Variants in OR1J2 observed in about 807,000 individuals in gnomAD.
OR1J2 encodes olfactory receptor family 1 subfamily J member 2.
For synonymous variants in OR1J2, 142 were observed against 99.7 expected, an observed-to-expected ratio of 1.42 and a Z score of -2.52; for missense variants, 304 against 246.1, an observed-to-expected ratio of 1.24 and a Z score of -1.57.
chr9:122,507,751 C>A (rs188758946), upstream of OR1J2, among the ~76,000 whole-genome samples: 1 of 152,246 alleles, frequency 6.6e-6, no homozygotes, highest in African/African-American at 2.4e-5. Context: ...GAATAATTTT[C>A]TCCTGCGTGT....
the OR1J2 span, among the ~76,000 whole-genome samples, chr9:122,518,901 A>G: frequency 2.0e-5 from 3 of 152,220 alleles, no homozygotes; most frequent in Non-Finnish European, 2.9e-5. Flanking sequence ...TTTACTGACT[A>G]GACATGGCTG....
chr9:122,476,614 C>G, the OR1J2 span, among the ~76,000 whole-genome samples: 4 of 152,050 alleles, frequency 2.6e-5, no homozygotes, highest in Non-Finnish European at 1.5e-5. Flanking sequence ...ATTTGTATTT[C>G]TGTATTATTG....
At chr9:122,551,331 T>G in the OR1J2 span, among the ~76,000 whole-genome samples, 5 of 152,184 alleles carry the variant, frequency 3.3e-5, no homozygotes, top group Admixed American at 1.3e-4. Context: ...ACAGTAGATA[T>G]AAGTAGCTTT....
upstream of OR1J2, among the ~76,000 whole-genome samples, chr9:122,508,252 T>C (rs1828567683): frequency 6.6e-6 from 1 of 151,986 alleles, no homozygotes; most frequent in African/African-American, 2.4e-5. Flanking sequence ...AGGAAGATGC[T>C]TGAGCCTAGC....
chr9:122,508,715 A>G (rs1828575106), upstream of OR1J2, among the ~76,000 whole-genome samples: 1 of 152,218 alleles, frequency 6.6e-6, no homozygotes, highest in African/African-American at 2.4e-5. Context: ...GATAACCAGA[A>G]TATTTGGATA....
chr9:122,576,335 G>T, the OR1J2 span, among the ~76,000 whole-genome samples: 105 of 151,464 alleles, frequency 6.9e-4, no homozygotes, highest in Non-Finnish European at 5.3e-4. Flanking sequence ...AATTCTCCTG[G>T]CTCAGCCTCC....
At chr9:122,541,213 A>G in the OR1J2 span, among the ~76,000 whole-genome samples, 3 of 152,214 alleles carry the variant, frequency 2.0e-5, no homozygotes, top group African/African-American at 4.8e-5. Context: ...GTGCAGGGCA[A>G]TTTTTCTTTG....
At chr9:122,519,148 G>C in the OR1J2 span, 9 of 1,595,556 alleles carry the variant, frequency 5.6e-6, no homozygotes, top group South Asian at 8.9e-5. Context: ...AGCATGAAGA[G>C]GGAGAATCAG....
chr9:122,561,003 T>G, the OR1J2 span, among the ~76,000 whole-genome samples: 1 of 152,228 alleles, frequency 6.6e-6, no homozygotes, highest in Non-Finnish European at 1.5e-5. Context: ...AGTCCCATAT[T>G]TCTCAGAGGT....
the OR1J2 span, among the ~76,000 whole-genome samples, chr9:122,451,375 G>T: frequency 6.6e-6 from 1 of 151,852 alleles, no homozygotes; most frequent in African/African-American, 2.4e-5. Context: ...AGTAGAGATG[G>T]GGTTTCTCCA....
chr9:122,457,352 A>C, the OR1J2 span, among the ~76,000 whole-genome samples: 3 of 152,070 alleles, frequency 2.0e-5, no homozygotes, highest in South Asian at 6.2e-4. Context: ...AAACCTGCAC[A>C]TGTATCCTGG....
the OR1J2 span, among the ~76,000 whole-genome samples, chr9:122,479,161 G>A: frequency 1.3e-5 from 2 of 152,200 alleles, no homozygotes; most frequent in African/African-American, 4.8e-5. Context: ...GTCTCTTGGG[G>A]ACGCAGCGGT....
At chr9:122,459,462 A>G in the OR1J2 span, among the ~76,000 whole-genome samples, 1 of 152,214 alleles carries the variant, frequency 6.6e-6, no homozygotes, top group Non-Finnish European at 1.5e-5. Context: ...CAGTAATGGC[A>G]TATTCACCAA....
At chr9:122,554,302 A>AAC in the OR1J2 span, 1 of 650,634 alleles carries the variant, frequency 1.5e-6, no homozygotes. Flanking sequence ...AAAAAAAAAA[A>AAC]GAGTGTTTCA....
the OR1J2 span, among the ~76,000 whole-genome samples, chr9:122,538,997 T>A: frequency 2.6e-5 from 4 of 152,054 alleles, no homozygotes; most frequent in African/African-American, 9.7e-5. Context: ...GTGACAAACC[T>A]GCACATGTAC....
At chr9:122,463,241 T>G in the OR1J2 span, among the ~76,000 whole-genome samples, 1 of 152,362 alleles carries the variant, frequency 6.6e-6, no homozygotes, top group Non-Finnish European at 1.5e-5. Context: ...GCATTTTGCA[T>G]TTCTCTTAAG....
the OR1J2 span, among the ~76,000 whole-genome samples, chr9:122,552,749 A>AGAGTGTGTGT: frequency 2.3e-5 from 3 of 129,758 alleles, no homozygotes; most frequent in South Asian, 2.8e-4. Flanking sequence ...AGAGGGCTTG[A>AGAGTGTGTGT]GTGTGTGTGT....
chr9:122,520,663 CAT>C, the OR1J2 span, among the ~76,000 whole-genome samples: 1 of 152,206 alleles, frequency 6.6e-6, no homozygotes. Flanking sequence ...TCTGACTACA[CAT>C]GTGAGCTTCA....
the OR1J2 span, among the ~76,000 whole-genome samples, chr9:122,533,198 G>A: frequency 6.6e-6 from 1 of 152,212 alleles, no homozygotes; most frequent in African/African-American, 2.4e-5. Context: ...ACCACAGGGT[G>A]GATAGGCAAA....
Sources: allele counts gnomAD v4.1 joint callset (sites outside exome capture counted in the v4.1 genomes callset), GRCh38; gene constraint gnomAD v4.1.1; transcripts MANE v1.5; gene names NCBI Gene and HGNC (gene_info 2026-07-23, HGNC 2026-07-21).